The following PRKCB variants were observed in gnomAD, a reference collection of about 807,000 sequenced individuals.
PRKCB encodes protein kinase C beta, also known as protein kinase C beta type.
A neutral mutation model predicts 81.5 loss-of-function variants in PRKCB; 13 were observed. That is an observed-to-expected ratio of 0.16 (90% CI 0.10 to 0.25). The LOEUF is 0.25. Ranked by LOEUF, PRKCB falls within the 10% of genes least tolerant of loss-of-function variation. The pLI is 1.00. For missense variants in PRKCB, 509 were observed against 875.7 expected (o/e 0.58, Z 5.29); for synonymous variants, 335 against 321.4 (o/e 1.04, Z -0.45).
In PRKCB at chr16:24,123,897, A is replaced by G. The variant is rs114856527; in HGVS notation, c.981A>G (p.Lys327=). ...AAAAGACGACCAACACTGTCTCCAAATTTGACAACAATGGCAACAGAGACC... is the reference window on the plus strand; with the variant it reads ...AAAAGACGACCAACACTGTCTCCAAGTTTGACAACAATGGCAACAGAGACC... The part of the protein sequence containing the change: ...PEEKTTNTVS[K]FDNNGNRDRM... Residue 327 remains lysine, a synonymous_variant, in exon 9 of 17, where the codon AAA becomes AAG. Transcript: ENST00000643927. The G allele has an allele frequency of 9.7e-5, 157 of 1,614,168 alleles. 3 individuals carry two copies. The East Asian group carries it at 1.3e-3, about 13-fold the overall frequency.
chr16:24,099,124 T>C (rs898371450), intron 7 of PRKCB: 3 of 152,242 alleles, frequency 2.0e-5, no homozygotes, highest in Admixed American at 6.5e-5. Context: ...CTACTACTCA[T>C]TGACTCTTAA....
intron 15 of PRKCB, among the ~76,000 whole-genome samples, 197 bp downstream of exon 15, chr16:24,185,764 G>T (rs768709626): frequency 7.9e-5 from 12 of 152,230 alleles, no homozygotes; most frequent in Non-Finnish European, 1.2e-4. Context: ...GCACAGAAGT[G>T]CTGTAGAGAG....
rs558720719 is a variant in PRKCB, at chr16:23,993,660, T to A, written c.288+5070T>A. 2.3e-3 allele frequency among the ~76,000 whole-genome samples: 343 copies of A among 152,342 alleles called. 2 individuals are homozygous for A. Among genetic ancestry groups the A allele is most frequent in the African/African-American group, 7.9e-3 (327 of 41,580 alleles). On this transcript the variant is annotated intron_variant, in intron 3 of 16. Coordinates refer to ENST00000643927, the MANE Select transcript of PRKCB (RefSeq NM_002738.7). ...CCTTACTATGGGAACCACAGCCACT[T>A]AATTGGAAAACTTAAATGCAATGGG...
At chr16:24,061,394 A>AAC (rs4039568) in intron 5 of PRKCB, among the ~76,000 whole-genome samples, 10,323 of 152,148 alleles carry the variant, frequency 0.068, 507 homozygotes, top group African/African-American at 0.12. Context: ...AGGTTTCCTA[A>AAC]ACACACACAC....
At chr16:23,967,953 C>A (rs530533263) in intron 2 of PRKCB, among the ~76,000 whole-genome samples, 2 of 152,180 alleles carry the variant, frequency 1.3e-5, no homozygotes, top group African/African-American at 4.8e-5. Flanking sequence ...CTGCGCCGGG[C>A]CTTTTATGGT....
At chr16:23,879,139 C>T (rs146465798) in intron 2 of PRKCB, among the ~76,000 whole-genome samples, 2,925 of 151,848 alleles carry the variant, frequency 0.019, 96 homozygotes, top group African/African-American at 0.067. Flanking sequence ...GAGCGTGTCA[C>T]TGCACTCCAG....
intron 2 of PRKCB, among the ~76,000 whole-genome samples, chr16:23,938,219 C>A (rs543981325): frequency 2.0e-5 from 3 of 152,232 alleles, no homozygotes; most frequent in African/African-American, 2.4e-5. Context: ...AATGCAGCTG[C>A]GTTTACAGAG....
chr16:24,110,716 C>T (rs574554243), intron 7 of PRKCB, among the ~76,000 whole-genome samples: 22 of 151,858 alleles, frequency 1.4e-4, no homozygotes, highest in South Asian at 6.2e-4. Flanking sequence ...GACAGGGTCT[C>T]GCTATGTTGC....
chr16:23,986,904 A>T (rs190612487), intron 2 of PRKCB, among the ~76,000 whole-genome samples: 191 of 152,282 alleles, frequency 1.3e-3, no homozygotes, highest in Non-Finnish European at 2.2e-3. Flanking sequence ...ATACTGAATT[A>T]TTTTAAATTA....
intron 9 of PRKCB, among the ~76,000 whole-genome samples, chr16:24,149,043 T>C (rs970202639): frequency 5.3e-5 from 8 of 152,210 alleles, no homozygotes; most frequent in Non-Finnish European, 1.0e-4. Context: ...TTGAGGTTTT[T>C]CCTGCACTGG....
chr16:24,043,002 G>C (rs746391216), intron 5 of PRKCB, among the ~76,000 whole-genome samples: 2 of 152,166 alleles, frequency 1.3e-5, no homozygotes, highest in African/African-American at 2.4e-5. Flanking sequence ...CTCCCAAAGC[G>C]CTGGGATTAT....
chr16:23,861,105 C>G (rs1043242414), intron 2 of PRKCB, among the ~76,000 whole-genome samples: 3 of 151,732 alleles, frequency 2.0e-5, no homozygotes, highest in Non-Finnish European at 2.9e-5. Context: ...TCATACTCAC[C>G]TTCTATTTAT....
chr16:23,956,086 C>T (rs149472576), intron 2 of PRKCB, among the ~76,000 whole-genome samples: 369 of 151,972 alleles, frequency 2.4e-3, no homozygotes, highest in African/African-American at 8.2e-3. Context: ...GACTTTATTA[C>T]GAATAAACAA....
chr16:23,930,244 G>A (rs1481718566), intron 2 of PRKCB, among the ~76,000 whole-genome samples: 1 of 152,082 alleles, frequency 6.6e-6, no homozygotes, highest in East Asian at 1.9e-4. Context: ...ATGGGCAGGT[G>A]CACAAGGTGA....
intron 3 of PRKCB, among the ~76,000 whole-genome samples, chr16:24,026,713 G>A (rs1379870471): frequency 6.6e-6 from 1 of 152,222 alleles, no homozygotes; most frequent in Non-Finnish European, 1.5e-5. Flanking sequence ...CCTAGGTCTT[G>A]GAGAGGAGCT....
intron 7 of PRKCB, among the ~76,000 whole-genome samples, chr16:24,100,133 A>G (rs1302612845): frequency 6.6e-6 from 1 of 152,040 alleles, no homozygotes; most frequent in Non-Finnish European, 1.5e-5. Context: ...TATGATCTCT[A>G]CTTTAACATT....
chr16:24,061,785 C>T (rs1245061258), intron 5 of PRKCB, among the ~76,000 whole-genome samples: 1 of 151,906 alleles, frequency 6.6e-6, no homozygotes, highest in Non-Finnish European at 1.5e-5. Flanking sequence ...CAGAAAAGCA[C>T]TCTATACACT....
chr16:23,930,338 G>A (rs1172428539), intron 2 of PRKCB, among the ~76,000 whole-genome samples: 1 of 152,064 alleles, frequency 6.6e-6, no homozygotes, highest in Admixed American at 6.5e-5. Flanking sequence ...GGAGGCCAAG[G>A]TGGGCAGATC....
chr16:24,077,487 C>CTCCATCCATCCATCCA (rs71154273), intron 5 of PRKCB, among the ~76,000 whole-genome samples: 142 of 149,720 alleles, frequency 9.5e-4, no homozygotes, highest in African/African-American at 3.4e-3. Context: ...GCATTCATCT[C>CTCCATCCATCCATCCA]TCCATCCATC....
Sources: allele counts gnomAD v4.1 joint callset (sites outside exome capture counted in the v4.1 genomes callset), GRCh38; gene constraint gnomAD v4.1.1; transcripts MANE v1.5; gene names NCBI Gene and HGNC (gene_info 2026-07-23, HGNC 2026-07-21).